Variants in RASA3 observed in about 807,000 individuals in gnomAD.
RASA3 encodes the protein RAS p21 protein activator 3.
In RASA3, 73 loss-of-function variants were observed where a neutral mutation model predicts 110.0. The ratio of observed to expected loss-of-function variants is 0.66; its 90% CI spans 0.55 to 0.81. The LOEUF (loss-of-function observed/expected upper bound fraction) is 0.81. RASA3 is among the 30% of genes least tolerant of loss of function. The pLI is 0.00. For missense variants in RASA3, 976 were observed against 1,113.2 expected (o/e 0.88, Z 1.75); for synonymous variants, 500 against 451.4 (o/e 1.11, Z -1.37).
At chr13:114,027,950 C>G (rs372615357) in intron 5 of RASA3, 23 bp from the exon 6 acceptor site, 1 of 1,598,374 alleles carries the variant, frequency 6.3e-7, no homozygotes, top group Non-Finnish European at 8.6e-7. Flanking sequence ...GCAGAGGCGG[C>G]GTCAGGAGGG....
At chr13:114,105,225 C>G (rs773342874) in intron 1 of RASA3, among the ~76,000 whole-genome samples, 1 of 152,074 alleles carries the variant, frequency 6.6e-6, no homozygotes, top group African/African-American at 2.4e-5. Context: ...ACGACCCCCA[C>G]GCAAGCCCCC....
At chr13:113,996,761 G>T in intron 20 of RASA3, 22 bp from the exon 21 acceptor site, 1 of 1,606,700 alleles carries the variant, frequency 6.2e-7, no homozygotes, top group South Asian at 1.1e-5. Context: ...GGTGGGCTCA[G>T]GACAGCGCAC....
At chr13:114,090,221 G>T (rs1223191279) in intron 1 of RASA3, among the ~76,000 whole-genome samples, 3 of 152,232 alleles carry the variant, frequency 2.0e-5, no homozygotes, top group African/African-American at 7.2e-5. Context: ...CCGGCTGCCT[G>T]CCCAGGGCCG....
At position 113,981,730 on chromosome 13, in the gene RASA3, G is replaced by T; in HGVS notation, c.2374C>A (p.Gln792Lys). 6.2e-7 allele frequency: 1 copy of T among 1,614,092 alleles called. No homozygotes were observed. The highest frequency in any genetic ancestry group is 8.5e-7 in the Non-Finnish European group (1 of 1,179,996). ...QVIAGVGALE[Q>K]EHAQYKRDKF... ...TCCCTCTTATACTGGGCGTGCTCCT[G>T]CTCCAAAGCCCCAACCCCAGCGATG... Residue 792 changes from glutamine to lysine, a missense_variant, in exon 23 of 24, where the codon CAG becomes AAG. Physicochemically the swap from Gln to Lys is moderately conservative, Grantham distance 53 (BLOSUM62 1). Coordinates refer to ENST00000334062, the MANE Select transcript of RASA3 (RefSeq NM_007368.4).
At chr13:114,118,313 C>T (rs1292268605) in intron 1 of RASA3, among the ~76,000 whole-genome samples, 2 of 152,284 alleles carry the variant, frequency 1.3e-5, no homozygotes, top group African/African-American at 4.8e-5. Context: ...GACTCAAACC[C>T]CCCAGCCAAG....
chr13:113,990,380 C>G (rs1012194569), intron 22 of RASA3, among the ~76,000 whole-genome samples: 4 of 152,168 alleles, frequency 2.6e-5, no homozygotes, highest in African/African-American at 9.7e-5. Context: ...GGCGCACGGC[C>G]TAGGAGGAGC....
intron 20 of RASA3, 112 bp from the exon 21 acceptor site, chr13:113,996,851 G>C: frequency 1.0e-6 from 1 of 961,036 alleles, no homozygotes. Context: ...AGGGGACGCT[G>C]AGGGTGCACA....
chr13:114,102,813 G>A (rs745479920), intron 1 of RASA3, among the ~76,000 whole-genome samples: 3 of 152,204 alleles, frequency 2.0e-5, no homozygotes, highest in South Asian at 2.1e-4. Context: ...CAAAGCCTGT[G>A]GAGGCTGGAG....
chr13:114,076,035 G>A (rs1017879332), intron 1 of RASA3, among the ~76,000 whole-genome samples: 2 of 150,034 alleles, frequency 1.3e-5, no homozygotes, highest in Admixed American at 6.7e-5. Context: ...GCCGGCAGGC[G>A]TTCCCAGCAG....
chr13:114,055,232 T>C (rs1439582463), intron 2 of RASA3, among the ~76,000 whole-genome samples: 1 of 152,246 alleles, frequency 6.6e-6, no homozygotes, highest in Non-Finnish European at 1.5e-5. Context: ...CATGTGTGCA[T>C]GTTCATGCGT....
At position 114,113,700 on chromosome 13, in the gene RASA3, G is replaced by A. The variant is rs1313459681; in HGVS notation, c.55+18735C>T. 9.7e-5 allele frequency among the ~76,000 whole-genome samples: 5 copies of A among 51,490 alleles called. No individual in the cohort carries two copies. In the East Asian group the frequency reaches 2.1e-3, roughly 22 times the overall value. 33.8% of individuals were successfully genotyped at this position (51,490 alleles called of 152,430 possible). A position where few individuals can be genotyped will look rare whatever the true frequency, so the allele number is the denominator to read the frequency against. On this transcript the variant is annotated intron_variant, in intron 1 of 23. Transcript: ENST00000334062. ...GTGATGTCCGTACAGCTCACACCGCGTCCATCAGTCCACCCACCATGGCGA... is the reference window on the plus strand; with the variant it reads ...GTGATGTCCGTACAGCTCACACCGCATCCATCAGTCCACCCACCATGGCGA...
chr13:114,050,547 G>A (rs987618727), intron 3 of RASA3, among the ~76,000 whole-genome samples: 2 of 152,360 alleles, frequency 1.3e-5, no homozygotes, highest in Admixed American at 1.3e-4. Flanking sequence ...ATGGTGAGGG[G>A]GCACTGGCCT....
At chr13:114,102,677 G>A (rs2080074792) in intron 1 of RASA3, among the ~76,000 whole-genome samples, 1 of 152,172 alleles carries the variant, frequency 6.6e-6, no homozygotes, top group Admixed American at 6.5e-5. Flanking sequence ...AGCCCACCAG[G>A]TGGTGTCACA....
At chr13:114,019,073 A>T (rs1225638942) in intron 9 of RASA3, among the ~76,000 whole-genome samples, 154 bp from the exon 10 acceptor site, 1 of 151,990 alleles carries the variant, frequency 6.6e-6, no homozygotes, top group African/African-American at 2.4e-5. Context: ...TCCCCACCGA[A>T]GACCCCCAGC....
chr13:113,994,040 G>A (rs1453721209), intron 21 of RASA3, among the ~76,000 whole-genome samples: 2 of 152,128 alleles, frequency 1.3e-5, no homozygotes, highest in African/African-American at 2.4e-5. Context: ...TTTTTAAAAG[G>A]CAGAAATGCT....
At chr13:114,050,340 C>T (rs533179244) in intron 3 of RASA3, among the ~76,000 whole-genome samples, 18 of 152,208 alleles carry the variant, frequency 1.2e-4, no homozygotes, top group African/African-American at 2.7e-4. Context: ...CCAGGGTGTC[C>T]GCTGCGGAAG....
intron 1 of RASA3, among the ~76,000 whole-genome samples, chr13:114,098,556 G>T (rs1243054700): frequency 6.6e-6 from 1 of 152,102 alleles, no homozygotes; most frequent in Non-Finnish European, 1.5e-5. Context: ...GGGTCAGGAC[G>T]TTAAGGGTGT....
chr13:114,107,566 C>T (rs1055976818), intron 1 of RASA3: 16 of 152,716 alleles, frequency 1.0e-4, no homozygotes, highest in East Asian at 9.6e-4. Context: ...CAGGGCTCCC[C>T]GGAACTCCAG....
intron 1 of RASA3, among the ~76,000 whole-genome samples, chr13:114,129,185 GA>G (rs2080487923): frequency 6.6e-6 from 1 of 152,208 alleles, no homozygotes; most frequent in South Asian, 2.1e-4. Flanking sequence ...TCAAAGCAGC[GA>G]TCGCATAGGA....
Sources: allele counts gnomAD v4.1 joint callset (sites outside exome capture counted in the v4.1 genomes callset), GRCh38; gene constraint gnomAD v4.1.1; transcripts MANE v1.5; gene names NCBI Gene and HGNC (gene_info 2026-07-23, HGNC 2026-07-21).